PLCE1: variants seen among roughly 807,000 people sequenced by gnomAD.
PLCE1 encodes the protein 1-phosphatidylinositol 4,5-bisphosphate phosphodiesterase epsilon-1.
PLCE1 carries 119 observed loss-of-function variants against 242.8 expected under a neutral mutation model. That is an observed-to-expected ratio of 0.49 (90% CI 0.42 to 0.57). The LOEUF (loss-of-function observed/expected upper bound fraction) is 0.57. PLCE1 is among the 20% of genes least tolerant of loss of function. The pLI is 0.00. For missense variants in PLCE1, 2,441 were observed against 2,788.8 expected (o/e 0.88, Z 2.81); for synonymous variants, 945 against 1,017.4 (o/e 0.93, Z 1.35).
chr10:94,110,265 T>C, intron 2 of PLCE1, among the ~76,000 whole-genome samples: 1 of 151,878 alleles, frequency 6.6e-6, no homozygotes. Flanking sequence ...GGTTTCACCG[T>C]GTTAGCCAGG....
chr10:94,216,053 ATTAGCTTTATGATC>A (rs2049514861), intron 4 of PLCE1, among the ~76,000 whole-genome samples: 1 of 152,230 alleles, frequency 6.6e-6, no homozygotes, highest in Non-Finnish European at 1.5e-5. Context: ...CACCACTTTA[ATTAGCTTTATGATC>A]TTAGGCAAGT....
chr10:94,217,939 CTT>C (rs141342503), intron 4 of PLCE1, among the ~76,000 whole-genome samples: 7 of 143,994 alleles, frequency 4.9e-5, no homozygotes, highest in African/African-American at 7.6e-5. Flanking sequence ...ATGCTTCTTA[CTT>C]TTTTTTTTTT....
At position 94,288,968 on chromosome 10, in the gene PLCE1, CT is replaced by C. The variant is rs569615087; in HGVS notation, c.5035+4004del. On this transcript the variant is annotated intron_variant, in intron 22 of 32. Transcript: ENST00000371380. ...GTAGGTCCCTGGCACTGAGAGTTGCCTCCCCCACAGAGAGCCTTGGCCATCC... is the reference window on the plus strand; with the variant it reads ...GTAGGTCCCTGGCACTGAGAGTTGCCCCCCCACAGAGAGCCTTGGCCATCC... 7.9e-5 allele frequency among the ~76,000 whole-genome samples: 12 copies of C among 152,116 alleles called. No homozygotes were observed. The South Asian group carries it at 2.1e-3, about 26-fold the overall frequency.
intron 3 of PLCE1, among the ~76,000 whole-genome samples, chr10:94,152,111 T>G (rs1822046494): frequency 6.6e-6 from 1 of 152,040 alleles, no homozygotes. Context: ...GGCAAAAAAT[T>G]TATGACTAAG....
chr10:94,324,365 A>T lies in PLCE1; in HGVS notation c.6518A>T (p.Lys2173Ile). The T allele has an allele frequency of 6.2e-7, 1 of 1,614,108 alleles. No homozygotes were observed. The change falls in exon 31 of 33, where the codon AAA (lysine) becomes ATA (isoleucine). Residue 2173 changes from lysine (K) to isoleucine (I), a missense_variant. Transcript: ENST00000371380. ...ACCTTTCAGACCTTATGCAAAGCCA[A>T]ATATTCCTACAGCATCCTGAGCAAC... ...DVIQQTLCKAKYSYSILSNPN... is the reference protein window; with the variant it reads ...DVIQQTLCKAIYSYSILSNPN...
At chr10:94,149,764 C>T (rs2047217290) in intron 3 of PLCE1, among the ~76,000 whole-genome samples, 1 of 152,052 alleles carries the variant, frequency 6.6e-6, no homozygotes, top group Admixed American at 6.6e-5. Flanking sequence ...GCCCAGAGTC[C>T]ATATTCAACA....
At chr10:94,257,784 G>A (rs2051152992) in intron 11 of PLCE1, among the ~76,000 whole-genome samples, 1 of 152,176 alleles carries the variant, frequency 6.6e-6, no homozygotes, top group African/African-American at 2.4e-5. Flanking sequence ...GGTGGAGGGA[G>A]GAGGGAGGGA....
intron 8 of PLCE1, among the ~76,000 whole-genome samples, chr10:94,248,473 C>T (rs2050765124): frequency 6.6e-6 from 1 of 152,032 alleles, no homozygotes; most frequent in African/African-American, 2.4e-5. Context: ...ACCTATAATC[C>T]CAGCTACTCA....
Position 94,298,365 on chromosome 10 carries a change from C to A in PLCE1, c.5168-14C>A, listed in dbSNP as rs2052914945. The A allele has an allele frequency of 1.9e-6, 3 of 1,613,538 alleles. No homozygotes were observed. The highest frequency in any genetic ancestry group is 1.7e-4 in the Middle Eastern group (1 of 6,060). On this transcript the variant is annotated splice_polypyrimidine_tract_variant and intron_variant, in intron 23 of 32. Coordinates refer to ENST00000371380, the MANE Select transcript of PLCE1 (RefSeq NM_016341.4). The surrounding 1 kb of genome is among the most constrained non-coding windows in gnomAD (Gnocchi z 5.2). The stretch of plus-strand genomic sequence containing the variant: ...TTCTACACTAATCTGCGGCTAATTT[C>A]TTGGGGGGTTTAGGTTCCTGTGAAG...
chr10:94,256,337 A>AG, intron 11 of PLCE1, among the ~76,000 whole-genome samples: 2 of 134,014 alleles, frequency 1.5e-5, no homozygotes, highest in Admixed American at 7.2e-5. Flanking sequence ...AAAAAAAAAA[A>AG]AAAAGAAAGA....
chr10:94,033,218 T>C (rs1237478083), intron 2 of PLCE1, among the ~76,000 whole-genome samples: 1 of 151,938 alleles, frequency 6.6e-6, no homozygotes, highest in Non-Finnish European at 1.5e-5. Flanking sequence ...TGAGGGATAA[T>C]TGTAGTGATG....
At chr10:94,034,027 G>A (rs561138613) in intron 2 of PLCE1, among the ~76,000 whole-genome samples, 27 of 152,158 alleles carry the variant, frequency 1.8e-4, no homozygotes, top group African/African-American at 6.5e-4. Context: ...CACATGGTTG[G>A]GCAGGCCAAA....
chr10:93,999,147 G>C (rs983048492), intron 1 of PLCE1, among the ~76,000 whole-genome samples: 5 of 152,204 alleles, frequency 3.3e-5, no homozygotes, highest in Non-Finnish European at 5.9e-5. Flanking sequence ...AGAATAAAGA[G>C]AAAGCAGTCA....
In PLCE1 at chr10:94,255,914, A is replaced by ACTCTCTCTCTCTCT. The variant is rs111704161; in HGVS notation, c.3554+895_3554+908dup. ...CACACACACACACACACACACACAC[A>ACTCTCTCTCTCTCT]CTCTCTCTCTCTCTCTCTCTCTCTC... On this transcript the variant is annotated intron_variant, in intron 11 of 32. Transcript: ENST00000371380. 2.1e-4 allele frequency among the ~76,000 whole-genome samples: 14 copies of ACTCTCTCTCTCTCT among 67,282 alleles called. 1 individual carries two copies. The highest frequency in any genetic ancestry group is 3.0e-4 in the Non-Finnish European group (11 of 36,312). The allele number at this position is 67,282 out of a possible 152,430, so 44.1% of individuals were successfully genotyped here.
At position 94,265,848 on chromosome 10, in the gene PLCE1, A is replaced by G. The variant is rs1232485824; in HGVS notation, c.4171A>G (p.Ile1391Val). 1.2e-6 allele frequency: 2 copies of G among 1,614,124 alleles called. No individual in the cohort carries two copies. Among genetic ancestry groups the G allele is most frequent in the Non-Finnish European group, 1.7e-6 (2 of 1,179,970 alleles). Residue 1391 changes from isoleucine to valine, a missense_variant, in exon 16 of 33, where the codon ATT (isoleucine) becomes GTT (valine). Ile to Val is a conservative substitution (Grantham distance 29). Transcript: ENST00000371380. ...ASKNDESQEN[I>V]KELQLPLSYY... The stretch of plus-strand genomic sequence containing the variant: ...AAAAAATGATGAGTCACAGGAGAAC[A>G]TTAAAGAACTGCAGCTACCCCTCTC...
intron 1 of PLCE1, among the ~76,000 whole-genome samples, chr10:94,003,386 G>C (rs2060968962): frequency 6.6e-6 from 1 of 152,176 alleles, no homozygotes; most frequent in Non-Finnish European, 1.5e-5. Context: ...ATGATTTTAT[G>C]CTTTTTCACA....
At chr10:94,147,405 G>A (rs2047146722) in intron 3 of PLCE1, among the ~76,000 whole-genome samples, 1 of 151,954 alleles carries the variant, frequency 6.6e-6, no homozygotes, top group South Asian at 2.1e-4. Context: ...CTAGGCAACA[G>A]AGGGAGACCT....
chr10:94,089,381 G>T (rs1175772695), intron 2 of PLCE1: 1 of 1,576,272 alleles, frequency 6.3e-7, no homozygotes, highest in African/African-American at 1.4e-5. Flanking sequence ...GACCAGGTAA[G>T]GGTTCTTGTT....
chr10:94,146,385 T>C (rs1304938877), intron 3 of PLCE1, among the ~76,000 whole-genome samples: 1 of 152,166 alleles, frequency 6.6e-6, no homozygotes, highest in African/African-American at 2.4e-5. Flanking sequence ...ATTTTTACTA[T>C]GACACAGCAC....
Sources: allele counts gnomAD v4.1 joint callset (sites outside exome capture counted in the v4.1 genomes callset), GRCh38; gene constraint gnomAD v4.1.1; non-coding constraint Gnocchi (gnomAD v3.1); transcripts MANE v1.5; gene names NCBI Gene and HGNC (gene_info 2026-07-23, HGNC 2026-07-21).